CNTLN: variants seen among roughly 807,000 people sequenced by gnomAD.
The protein encoded by CNTLN is centlein, centrosomal protein.
In CNTLN, 212 loss-of-function variants were observed where a neutral mutation model predicts 180.0. The ratio of observed to expected loss-of-function variants is 1.18; its 90% CI spans 1.05 to 1.32. The LOEUF is 1.32. Ranked by LOEUF, CNTLN falls within the 40% of genes most tolerant of loss-of-function variation. CNTLN has a pLI of 0.00. For missense variants in CNTLN, 2,095 were observed against 1,610.9 expected, an observed-to-expected ratio of 1.30 and a Z score of -5.14; for synonymous variants, 722 against 563.1, an observed-to-expected ratio of 1.28 and a Z score of -3.99.
intron 6 of CNTLN, among the ~76,000 whole-genome samples, chr9:17,283,898 T>A (rs1828815518): frequency 6.6e-6 from 1 of 152,324 alleles, no homozygotes; most frequent in Admixed American, 6.5e-5. Context: ...GAATTAGATT[T>A]ATTGATTTGT....
chr9:17,174,718 AG>A (rs1334959615), intron 2 of CNTLN, among the ~76,000 whole-genome samples: 1 of 151,940 alleles, frequency 6.6e-6, no homozygotes, highest in Non-Finnish European at 1.5e-5. Flanking sequence ...AAAAAAAGAA[AG>A]AAATTGCCAA....
At chr9:17,318,612 T>C (rs1467037662) in intron 8 of CNTLN, among the ~76,000 whole-genome samples, 1 of 152,162 alleles carries the variant, frequency 6.6e-6, no homozygotes, top group Non-Finnish European at 1.5e-5. Context: ...ACAAATGAAT[T>C]TGCTATTTTT....
intron 10 of CNTLN, 38 bp downstream of exon 10, chr9:17,332,768 A>G (rs888912340): frequency 6.6e-7 from 1 of 1,518,534 alleles, no homozygotes; most frequent in Admixed American, 2.3e-5. Context: ...TAACCTTGCA[A>G]AGATAAAAAT....
intron 2 of CNTLN, among the ~76,000 whole-genome samples, chr9:17,208,687 AT>A (rs1175087686): frequency 6.6e-6 from 1 of 152,066 alleles, no homozygotes; most frequent in Non-Finnish European, 1.5e-5. Flanking sequence ...TCATGATTCA[AT>A]TTTGGTAGGT....
At chr9:17,342,541 G>A in intron 12 of CNTLN, 97 bp downstream of exon 12, 18 of 1,096,662 alleles carry the variant, frequency 1.6e-5, no homozygotes, top group South Asian at 3.8e-5. Flanking sequence ...TATAAAATTT[G>A]AAATAATCTG....
chr9:17,155,257 T>G (rs1020679595), intron 2 of CNTLN, among the ~76,000 whole-genome samples: 5 of 152,158 alleles, frequency 3.3e-5, no homozygotes, highest in African/African-American at 1.2e-4. Flanking sequence ...AAGAACCCAC[T>G]AGAAGGAACC....
At chr9:17,515,899 TC>T in the CNTLN span, among the ~76,000 whole-genome samples, 1 of 152,168 alleles carries the variant, frequency 6.6e-6, no homozygotes, top group Non-Finnish European at 1.5e-5. Flanking sequence ...CCCATCTTAC[TC>T]AAAGTAACAG....
intron 5 of CNTLN, among the ~76,000 whole-genome samples, chr9:17,241,345 T>C (rs945888611): frequency 5.3e-5 from 8 of 152,236 alleles, no homozygotes; most frequent in African/African-American, 1.9e-4. Flanking sequence ...TTGGCACTTT[T>C]GTTAACAGTG....
chr9:17,428,238 G>T (rs759045133), intron 18 of CNTLN, among the ~76,000 whole-genome samples: 2 of 152,080 alleles, frequency 1.3e-5, no homozygotes, highest in Non-Finnish European at 2.9e-5. Context: ...ACACTGCCCT[G>T]CAGTACAGAA....
chr9:17,212,821 G>T (rs888382478), intron 2 of CNTLN, among the ~76,000 whole-genome samples: 1 of 152,160 alleles, frequency 6.6e-6, no homozygotes, highest in Admixed American at 6.5e-5. Context: ...ATTTCTTCTA[G>T]ATTTTCTAGT....
intron 2 of CNTLN, among the ~76,000 whole-genome samples, chr9:17,169,098 A>G (rs1820268548): frequency 6.6e-6 from 1 of 152,168 alleles, no homozygotes; most frequent in Non-Finnish European, 1.5e-5. Context: ...TCTGGGCTCA[A>G]CTGATTCTCC....
At chr9:17,476,971 G>A (rs535649737) in intron 23 of CNTLN, among the ~76,000 whole-genome samples, 60 of 152,280 alleles carry the variant, frequency 3.9e-4, no homozygotes, top group African/African-American at 1.3e-3. Context: ...TTCAAAGAAC[G>A]GGCTGAGTCT....
intron 2 of CNTLN, among the ~76,000 whole-genome samples, chr9:17,152,458 A>G (rs533272959): frequency 6.6e-6 from 1 of 152,202 alleles, no homozygotes; most frequent in African/African-American, 2.4e-5. Flanking sequence ...GTTTCCATGT[A>G]TTTGTGCAGT....
chr9:17,387,551 G>A (rs770479103), intron 13 of CNTLN, among the ~76,000 whole-genome samples: 1 of 152,082 alleles, frequency 6.6e-6, no homozygotes, highest in South Asian at 2.1e-4. Flanking sequence ...GCAGTCAAAT[G>A]TATAGCTAGT....
At chr9:17,469,215 T>C (rs1374963422) in intron 23 of CNTLN, among the ~76,000 whole-genome samples, 1 of 151,822 alleles carries the variant, frequency 6.6e-6, no homozygotes, top group Non-Finnish European at 1.5e-5. Flanking sequence ...CTTCCTTACA[T>C]TGTTTTTAAG....
intron 14 of CNTLN, 34 bp downstream of exon 14, chr9:17,388,287 G>C (rs201882370): frequency 7.3e-7 from 1 of 1,376,854 alleles, no homozygotes; most frequent in Non-Finnish European, 1.0e-6. Flanking sequence ...AGCTGAGCAA[G>C]TTAAATCTGA....
chr9:17,376,133 G>C (rs531797156), intron 13 of CNTLN, among the ~76,000 whole-genome samples: 39 of 152,180 alleles, frequency 2.6e-4, no homozygotes, highest in Admixed American at 9.2e-4. Context: ...CATATTTCAA[G>C]CTTATCTCTT....
chr9:17,394,952 C>T lies in CNTLN; in HGVS notation c.2498C>T (p.Ala833Val), dbSNP rs202094174. 1.4e-4 allele frequency: 222 copies of T among 1,613,852 alleles called. 1 individual carries two copies. Among genetic ancestry groups the T allele is most frequent in the Non-Finnish European group, 1.7e-4 (197 of 1,179,954 alleles). ...ATGACCAAGGTTAAATTTAAAGCTG[C>T]GAAGAAAAATTGCTCTGTGGGTCGT... ...TTMTKVKFKA[A>V]KKNCSVGRHH... Residue 833 changes from alanine (A) to valine (V), a missense_variant, in exon 15 of 26, where the codon GCG becomes GTG. Coordinates refer to ENST00000380647, the MANE Select transcript of CNTLN (RefSeq NM_017738.4).
chr9:17,159,099 G>A (rs977703186), intron 2 of CNTLN, among the ~76,000 whole-genome samples: 1 of 152,054 alleles, frequency 6.6e-6, no homozygotes, highest in Admixed American at 6.5e-5. Context: ...GAAGTGTGTT[G>A]TTTAATTTCC....
Sources: allele counts gnomAD v4.1 joint callset (sites outside exome capture counted in the v4.1 genomes callset), GRCh38; gene constraint gnomAD v4.1.1; transcripts MANE v1.5; gene names NCBI Gene and HGNC (gene_info 2026-07-23, HGNC 2026-07-21).